The following BMX variants were observed in gnomAD, a reference collection of about 807,000 sequenced individuals.
The protein encoded by BMX is cytoplasmic tyrosine-protein kinase BMX.
BMX carries 31 observed loss-of-function variants against 59.2 expected under a neutral mutation model. The ratio of observed to expected loss-of-function variants is 0.52; its 90% CI spans 0.39 to 0.71. BMX has a LOEUF of 0.71. Among genes scored for constraint, BMX ranks in the 30% least tolerant of loss-of-function variants. The pLI is 0.00. For missense variants in BMX, 474 were observed against 491.7 expected (o/e 0.96, Z 0.34); for synonymous variants, 185 against 181.0 (o/e 1.02, Z -0.18).
At position 15,533,509 on chromosome X, in the gene BMX, G is replaced by T. The variant is rs780138289; in HGVS notation, c.1020-703G>T. Among the ~76,000 whole-genome samples, 8 of 111,951 alleles carry T rather than the reference G, an allele frequency of 7.1e-5. No homozygotes were observed. The East Asian group carries it at 1.7e-3, about 24-fold the overall frequency. ...ACAATTTATTAACTGTTTCTTATAT[G>T]CCAGGCATAACCATATAGGTAGCTA... is the stretch of plus-strand genomic sequence containing the variant. On this transcript the variant is annotated intron_variant, in intron 11 of 18. Coordinates refer to ENST00000348343, the MANE Select transcript of BMX (RefSeq NM_203281.3).
intron 18 of BMX, among the ~76,000 whole-genome samples, chrX:15,550,701 CACACACACACAA>C (rs1362510257): frequency 9.4e-6 from 1 of 106,836 alleles, no homozygotes; most frequent in Admixed American, 1.0e-4. Flanking sequence ...CACACACACA[CACACACACACAA>C]ATAGGACTGA....
intron 5 of BMX, among the ~76,000 whole-genome samples, chrX:15,517,330 T>G: frequency 8.9e-6 from 1 of 112,298 alleles, no homozygotes; most frequent in South Asian, 3.7e-4. Context: ...TGTCTCCTTA[T>G]GGTATTAATC....
chrX:15,528,746 C>G (rs1924921934), intron 9 of BMX, among the ~76,000 whole-genome samples: 1 of 111,940 alleles, frequency 8.9e-6, no homozygotes, highest in Admixed American at 9.4e-5. Context: ...CAATAAGAGG[C>G]AGGCCTCAGC....
intron 1 of BMX, among the ~76,000 whole-genome samples, chrX:15,502,762 A>G (rs749574294): frequency 8.9e-6 from 1 of 112,132 alleles, no homozygotes; most frequent in East Asian, 2.8e-4. Context: ...ATCCTCAGTC[A>G]AACTTTTTGT....
At chrX:15,502,129 T>A (rs1438060293) in intron 1 of BMX, among the ~76,000 whole-genome samples, 1 of 111,387 alleles carries the variant, frequency 9.0e-6, no homozygotes, top group Non-Finnish European at 1.9e-5. Context: ...TTCGAAGTGG[T>A]TATTGTTTCA....
intron 17 of BMX, 29 bp from the exon 18 acceptor site, chrX:15,549,811 T>C (rs1926106464): frequency 8.5e-7 from 1 of 1,180,121 alleles, no homozygotes; most frequent in Non-Finnish European, 1.1e-6. Flanking sequence ...CTTCCTTTTT[T>C]ATCTGGGCCA....
intron 17 of BMX, among the ~76,000 whole-genome samples, chrX:15,549,128 C>T (rs1055571502): frequency 4.5e-5 from 5 of 111,213 alleles, no homozygotes; most frequent in African/African-American, 1.6e-4. Context: ...AAATGCCATC[C>T]TCCTGACCAC....
chrX:15,536,850 C>T (rs1326645065), intron 13 of BMX, among the ~76,000 whole-genome samples: 1 of 111,204 alleles, frequency 9.0e-6, no homozygotes, highest in African/African-American at 3.3e-5. Flanking sequence ...CATTTTGATG[C>T]TAAGCCTCTC....
intron 1 of BMX, 80 bp from the exon 2 acceptor site, chrX:15,508,265 C>A: frequency 1.5e-6 from 1 of 649,440 alleles, no homozygotes; most frequent in Non-Finnish European, 2.2e-6. Context: ...AATAGGAAAT[C>A]GTTGAGGAAA....
At chrX:15,555,048 A>G (rs1926362230) in intron 18 of BMX, among the ~76,000 whole-genome samples, 1 of 110,900 alleles carries the variant, frequency 9.0e-6, no homozygotes, top group Admixed American at 9.6e-5. Context: ...CCATTTTTAC[A>G]TATTTTTTAA....
intron 7 of BMX, among the ~76,000 whole-genome samples, chrX:15,523,238 A>T (rs1266761484): frequency 9.0e-6 from 1 of 111,340 alleles, no homozygotes; most frequent in Non-Finnish European, 1.9e-5. Context: ...CCTGTCTCAG[A>T]CCTCCTTCCT....
chrX:15,525,354 A>G lies in BMX; in HGVS notation c.819A>G (p.Ser273=). 1 of 1,206,872 alleles carries G rather than the reference A, an allele frequency of 8.3e-7. No individual in the cohort carries two copies. The highest frequency in any genetic ancestry group is 1.1e-6 in the Non-Finnish European group (1 of 891,464). Reference sequence around the variant, plus strand: ...AAAGAAATGTGAATCACACCACCTCAAAGATTTCATGGTAAATCAAATTCA... The same window carrying G: ...AAAGAAATGTGAATCACACCACCTCGAAGATTTCATGGTAAATCAAATTCA... ...QKERNVNHTT[S]KISWEFPESS... Residue 273 remains serine (S), a synonymous_variant, in exon 8 of 19, where the codon TCA becomes TCG. Coordinates refer to ENST00000348343, the MANE Select transcript of BMX (RefSeq NM_203281.3).
intron 11 of BMX, 120 bp downstream of exon 11, chrX:15,531,527 A>G: frequency 1.6e-6 from 1 of 623,293 alleles, no homozygotes; most frequent in Non-Finnish European, 2.5e-6. Context: ...AAATCAAAGT[A>G]TTTCTATTGA....
intron 11 of BMX, among the ~76,000 whole-genome samples, chrX:15,532,680 T>A (rs1351768837): frequency 8.9e-6 from 1 of 112,599 alleles, no homozygotes; most frequent in Admixed American, 9.4e-5. Context: ...TTATAATAAT[T>A]AAGTAATAAA....
intron 2 of BMX, 126 bp downstream of exon 2, chrX:15,508,617 C>A: frequency 2.2e-6 from 1 of 451,986 alleles, no homozygotes; most frequent in Non-Finnish European, 3.5e-6. Flanking sequence ...CCTCTTCTAT[C>A]CACTTATCAC....
At chrX:15,547,027 T>C in intron 17 of BMX, 106 bp downstream of exon 17, 1 of 634,559 alleles carries the variant, frequency 1.6e-6, no homozygotes, top group Non-Finnish European at 2.5e-6. Flanking sequence ...CTTGAACACT[T>C]ACGAAGTTAC....
chrX:15,550,375 C>T (rs1274964160), intron 18 of BMX, among the ~76,000 whole-genome samples: 1 of 110,782 alleles, frequency 9.0e-6, no homozygotes, highest in Non-Finnish European at 1.9e-5. Flanking sequence ...CGTCCCTGTT[C>T]TTAACTGCAA....
rs1249092420 is a variant in BMX, at chrX:15,522,378, A to G, written c.543A>G (p.Lys181=). The change falls in exon 7 of 19, where the codon AAA becomes AAG. Residue 181 remains lysine (K), a synonymous_variant. Coordinates refer to ENST00000348343, the MANE Select transcript of BMX (RefSeq NM_203281.3). The stretch of plus-strand genomic sequence containing the variant: ...TACCTCGGGCAGTTCCTGTTCTCAA[A>G]ATGGATGCACCATCTTCAAGTACCA... ...LKIPRAVPVL[K]MDAPSSSTTL... 5.0e-6 allele frequency: 6 copies of G among 1,211,826 alleles called. No individual in the cohort carries two copies. Among genetic ancestry groups the G allele is most frequent in the Non-Finnish European group, 6.7e-6 (6 of 895,461 alleles).
chrX:15,547,943 CT>C lies in BMX; in HGVS notation c.1795+1023del, dbSNP rs201429326. On this transcript the variant is annotated intron_variant, in intron 17 of 18. Coordinates refer to ENST00000348343, the MANE Select transcript of BMX (RefSeq NM_203281.3). The stretch of plus-strand genomic sequence containing the variant: ...TGTAATTTGATTTACTGCTTGTCAC[CT>C]ACAAGACTGCCTTTGAAAAGGGGAA... Among the ~76,000 whole-genome samples, 18 of 111,446 alleles carry C rather than the reference CT, an allele frequency of 1.6e-4. No individual in the cohort carries two copies. The East Asian group carries it at 4.5e-3, about 28-fold the overall frequency.
Sources: gnomAD v4.1 joint callset for allele counts (sites outside exome capture counted in the v4.1 genomes callset) on GRCh38, gnomAD v4.1.1 for gene constraint, MANE v1.5 for transcripts, NCBI Gene and HGNC (gene_info 2026-07-23, HGNC 2026-07-21) for gene names.